The following SH3PXD2A variants were observed in gnomAD, a reference collection of about 807,000 sequenced individuals.
SH3PXD2A encodes the protein SH3 and PX domain-containing protein 2A.
Under a neutral mutation model 115.2 loss-of-function variants are expected in SH3PXD2A, and 32 were observed. The ratio of observed to expected loss-of-function variants is 0.28; its 90% CI spans 0.21 to 0.37. The LOEUF (loss-of-function observed/expected upper bound fraction) is 0.37, where lower values mean the gene tolerates loss of function less well. SH3PXD2A is among the 10% of genes least tolerant of loss of function. The probability of loss-of-function intolerance (pLI) is 1.00; values close to 1 mark genes in which losing one functional copy is unlikely to be tolerated. For synonymous variants in SH3PXD2A, 610 were observed against 629.1 expected, an observed-to-expected ratio of 0.97 and a Z score of 0.45; for missense variants, 1,328 against 1,498.7, an observed-to-expected ratio of 0.89 and a Z score of 1.88.
intron 3 of SH3PXD2A, among the ~76,000 whole-genome samples, chr10:103,742,018 G>A (rs777769988): frequency 6.6e-6 from 1 of 152,108 alleles, no homozygotes; most frequent in East Asian, 1.9e-4. Context: ...GCATGGTGGC[G>A]CACGCCTGTG....
intron 6 of SH3PXD2A, among the ~76,000 whole-genome samples, chr10:103,677,385 C>G (rs906082825): frequency 2.6e-5 from 4 of 152,150 alleles, no homozygotes; most frequent in Non-Finnish European, 5.9e-5. Context: ...GAGGAGACGG[C>G]AGGGCTGAGT....
At chr10:103,671,402 CT>C (rs1481127963) in intron 6 of SH3PXD2A, among the ~76,000 whole-genome samples, 1 of 152,214 alleles carries the variant, frequency 6.6e-6, no homozygotes, top group Non-Finnish European at 1.5e-5. Context: ...TGCCTGTCCC[CT>C]TCAGTCCCCA....
At chr10:103,753,331 A>AG in intron 3 of SH3PXD2A, among the ~76,000 whole-genome samples, 1 of 148,728 alleles carries the variant, frequency 6.7e-6, no homozygotes, top group East Asian at 1.9e-4. Context: ...AAAAAAAAAA[A>AG]AAAAAAAAAA....
chr10:103,723,895 C>T (rs1179530141), intron 5 of SH3PXD2A, among the ~76,000 whole-genome samples: 1 of 152,200 alleles, frequency 6.6e-6, no homozygotes, highest in Admixed American at 6.5e-5. Flanking sequence ...GGGACCTCTG[C>T]AGCCATAACA....
chr10:103,657,202 T>G (rs1452993035), intron 8 of SH3PXD2A, among the ~76,000 whole-genome samples: 4 of 151,994 alleles, frequency 2.6e-5, no homozygotes, highest in African/African-American at 9.7e-5. Context: ...AAGCAAAGAC[T>G]CAGAGAAGAA....
At chr10:103,847,176 C>G (rs1842855097) in intron 1 of SH3PXD2A, among the ~76,000 whole-genome samples, 1 of 152,170 alleles carries the variant, frequency 6.6e-6, no homozygotes, top group African/African-American at 2.4e-5. Flanking sequence ...GAGACAGGGT[C>G]TTGCTGTTGC....
chr10:103,594,408 G>A lies in SH3PXD2A; in HGVS notation c.*7408C>T, dbSNP rs896148844. On this transcript the variant is annotated 3_prime_UTR_variant, in exon 15 of 15. Transcript: ENST00000369774. ...GCTGAGGAGGAAAGAAGGAAAACCT[G>A]GAGGAAGGGCTCCTCCTGACCCCAC... 2.1e-4 allele frequency: 32 copies of A among 152,654 alleles called. No individual in the cohort carries two copies. The highest frequency in any genetic ancestry group is 7.5e-4 in the African/African-American group (31 of 41,570). The allele number at this position is 152,654 out of a possible 1,614,324, so 9.5% of individuals were successfully genotyped here.
At chr10:103,607,075 C>T (rs1040144681) in intron 13 of SH3PXD2A, among the ~76,000 whole-genome samples, 10 of 151,850 alleles carry the variant, frequency 6.6e-5, no homozygotes, top group Non-Finnish European at 1.5e-4. Flanking sequence ...GCCGCCATCC[C>T]ATCTAGGAAG....
chr10:103,607,636 C>T (rs999446405), intron 13 of SH3PXD2A, among the ~76,000 whole-genome samples: 1 of 152,202 alleles, frequency 6.6e-6, no homozygotes, highest in African/African-American at 2.4e-5. Context: ...CGGCCACCAC[C>T]CCGTCTGGGA....
chr10:103,652,629 GT>G (rs1424982991), intron 8 of SH3PXD2A, among the ~76,000 whole-genome samples: 1 of 152,212 alleles, frequency 6.6e-6, no homozygotes, highest in Non-Finnish European at 1.5e-5. Context: ...CCCAGAAAGT[GT>G]TTGCTTTACA....
chr10:103,623,858 G>T (rs1428798792), intron 9 of SH3PXD2A, among the ~76,000 whole-genome samples: 1 of 152,354 alleles, frequency 6.6e-6, no homozygotes, highest in African/African-American at 2.4e-5. Context: ...GGGGAGGTGT[G>T]TAGGGCTTCT....
intron 8 of SH3PXD2A, among the ~76,000 whole-genome samples, chr10:103,628,873 C>A (rs1183315710): frequency 2.0e-5 from 3 of 152,228 alleles, no homozygotes; most frequent in Non-Finnish European, 4.4e-5. Context: ...TGCTCCAAAC[C>A]CTGTGTCTCC....
At chr10:103,847,697 G>C (rs1842859935) in intron 1 of SH3PXD2A, among the ~76,000 whole-genome samples, 1 of 152,126 alleles carries the variant, frequency 6.6e-6, no homozygotes, top group Non-Finnish European at 1.5e-5. Flanking sequence ...CCAGCACTTT[G>C]GGAGGCTGAG....
rs1422633958 is a variant in SH3PXD2A, at chr10:103,789,077, C to CTG, written c.153+12204_153+12205insCA. 5.9e-5 allele frequency among the ~76,000 whole-genome samples: 9 copies of CTG among 152,216 alleles called. No individual in the cohort carries two copies. In the South Asian group the frequency reaches 1.0e-3, roughly 18 times the overall value. On this transcript the variant is annotated intron_variant, in intron 2 of 14. Transcript: ENST00000369774. ...TAACTCTATCTTCCCTCAGAAAAGC[C>CTG]CACAGCTCAGGCTCCCATAGCTTAC... is the stretch of plus-strand genomic sequence containing the variant.
At chr10:103,638,726 T>G (rs60145709) in intron 8 of SH3PXD2A, among the ~76,000 whole-genome samples, 4,787 of 152,338 alleles carry the variant, frequency 0.031, 85 homozygotes, top group African/African-American at 0.049. Flanking sequence ...GAATAGTGCC[T>G]GATTGGAATC....
chr10:103,790,389 C>T lies in SH3PXD2A; in HGVS notation c.153+10893G>A, dbSNP rs185979303. ...CAGGATGGTCTCGATCTCCTGACCT[C>T]GTGATCCACCCGCCTCGGCCTCCCA... On this transcript the variant is annotated intron_variant, in intron 2 of 14. Coordinates refer to ENST00000369774, the MANE Select transcript of SH3PXD2A (RefSeq NM_001394015.1). Among the ~76,000 whole-genome samples the T allele has an allele frequency of 1.3e-3, 195 of 152,168 alleles. 5 individuals are homozygous for T. In the East Asian group the frequency reaches 0.029, roughly 23 times the overall value.
chr10:103,855,137 CG>C, intron 1 of SH3PXD2A, 57 bp downstream of exon 1: 1 of 1,330,112 alleles, frequency 7.5e-7, no homozygotes, highest in Non-Finnish European at 1.0e-6. Context: ...AGGGGCCATC[CG>C]GGGCCCTCCC....
intron 3 of SH3PXD2A, chr10:103,749,770 T>A (rs2038552578): frequency 6.6e-6 from 1 of 152,202 alleles, no homozygotes. Flanking sequence ...GCCTTCCTCA[T>A]CTCTTTCCCA....
intron 6 of SH3PXD2A, among the ~76,000 whole-genome samples, chr10:103,671,655 A>T (rs1165813827): frequency 6.6e-6 from 1 of 152,054 alleles, no homozygotes; most frequent in Non-Finnish European, 1.5e-5. Context: ...AACAGAGGAG[A>T]GCCCCTGGCT....
Sources: allele counts gnomAD v4.1 joint callset (sites outside exome capture counted in the v4.1 genomes callset), GRCh38; gene constraint gnomAD v4.1.1; transcripts MANE v1.5; gene names NCBI Gene and HGNC (gene_info 2026-07-23, HGNC 2026-07-21).